DST: variants seen among roughly 807,000 people sequenced by gnomAD.
The protein encoded by DST is bullous pemphigoid antigen.
A neutral mutation model predicts 875.2 loss-of-function variants in DST; 253 were observed. The observed-to-expected ratio is 0.29, with a 90% confidence interval of 0.26 to 0.32. The LOEUF (loss-of-function observed/expected upper bound fraction) is 0.32. Among genes scored for constraint, DST ranks in the 10% least tolerant of loss-of-function variants. DST has a pLI of 1.00. For missense variants in DST, 8,287 were observed against 9,111.6 expected (o/e 0.91, Z 3.68); for synonymous variants, 3,124 against 3,197.1 (o/e 0.98, Z 0.77).
At chr6:56,656,599 G>A (rs1193312881) in intron 10 of DST, among the ~76,000 whole-genome samples, 1 of 152,140 alleles carries the variant, frequency 6.6e-6, no homozygotes, top group African/African-American at 2.4e-5. Flanking sequence ...CAAAGCATAA[G>A]GAAGTTATAT....
chr6:56,636,415 CACATATATGTGTATAT>C (rs778554733), intron 23 of DST, 126 bp downstream of exon 23: 44 of 672,518 alleles, frequency 6.5e-5, no homozygotes, highest in Admixed American at 1.3e-4. Context: ...TATATATACA[CACATATATGTGTATAT>C]ATATATGTGT....
At chr6:56,648,372 T>C (rs2098956228) in intron 13 of DST, among the ~76,000 whole-genome samples, 198 bp downstream of exon 13, 1 of 152,230 alleles carries the variant, frequency 6.6e-6, no homozygotes, top group African/African-American at 2.4e-5. Flanking sequence ...TGACTACAGC[T>C]AATCTGTTTT....
At chr6:56,664,655 C>T (rs570977056) in intron 10 of DST, among the ~76,000 whole-genome samples, 1 of 152,212 alleles carries the variant, frequency 6.6e-6, no homozygotes, top group South Asian at 2.1e-4. Context: ...GATCTAAGTT[C>T]ATCAAATCCA....
chr6:56,489,630 T>C (rs1459743181), intron 85 of DST, 21 bp from the exon 86 acceptor site: 2 of 1,597,732 alleles, frequency 1.3e-6, no homozygotes, highest in Admixed American at 3.4e-5. Context: ...ATTCACACCT[T>C]TGTCTGAAAA....
chr6:56,800,010 A>C (rs1229351929), intron 4 of DST, among the ~76,000 whole-genome samples: 3 of 152,356 alleles, frequency 2.0e-5, no homozygotes, highest in African/African-American at 4.8e-5. Context: ...ATATAATACA[A>C]GCATAACTTT....
intron 4 of DST, among the ~76,000 whole-genome samples, chr6:56,775,198 C>T (rs1338206346): frequency 6.6e-6 from 1 of 152,010 alleles, no homozygotes; most frequent in African/African-American, 2.4e-5. Flanking sequence ...AGAGGAAGAA[C>T]AGTTTACTAA....
At chr6:56,936,756 A>G (rs1275379775) in intron 2 of DST, among the ~76,000 whole-genome samples, 4 of 152,182 alleles carry the variant, frequency 2.6e-5, no homozygotes, top group Admixed American at 2.6e-4. Flanking sequence ...TCAACCATAC[A>G]GAATTAAAAA....
intron 3 of DST, among the ~76,000 whole-genome samples, chr6:56,887,693 A>G (rs1410172510): frequency 3.9e-5 from 6 of 152,198 alleles, no homozygotes; most frequent in Non-Finnish European, 7.3e-5. Flanking sequence ...AAAGACATAG[A>G]AAGAATGGCA....
intron 9 of DST, among the ~76,000 whole-genome samples, chr6:56,695,980 A>C (rs1019607308): frequency 6.6e-6 from 1 of 152,222 alleles, no homozygotes. Context: ...CATACTAAAA[A>C]AAGTTATTTC....
At chr6:56,673,983 T>C (rs1462529085) in intron 9 of DST, among the ~76,000 whole-genome samples, 1 of 152,226 alleles carries the variant, frequency 6.6e-6, no homozygotes, top group Non-Finnish European at 1.5e-5. Context: ...CATGATACTA[T>C]GCAACCAAAA....
At position 56,529,988 on chromosome 6, in the gene DST, T is replaced by A. The variant is rs2096867326; in HGVS notation, c.17254A>T (p.Ile5752Phe). 1 of 1,613,392 alleles carries A rather than the reference T, an allele frequency of 6.2e-7. No homozygotes were observed. The highest frequency in any genetic ancestry group is 1.3e-5 in the African/African-American group (1 of 74,890). Residue 5752 changes from isoleucine (I) to phenylalanine (F), a missense_variant, in exon 65 of 104, where the codon ATT becomes TTT. Coordinates refer to ENST00000680361, the MANE Select transcript of DST (RefSeq NM_001374736.1). ...TTATATCTTACTTTGTGCTGTGCAATTTGTTCCTCAAGTTTAGATGCTTGG... is the reference window on the plus strand; with the variant it reads ...TTATATCTTACTTTGTGCTGTGCAAATTGTTCCTCAAGTTTAGATGCTTGG... ...GTQASKLEEQ[I>F]AQHKALEDDI...
chr6:56,717,226 C>T (rs2099398670), intron 5 of DST, among the ~76,000 whole-genome samples: 1 of 129,174 alleles, frequency 7.7e-6, no homozygotes, highest in African/African-American at 2.7e-5. Context: ...AATAAATAAG[C>T]ATGCAACCTA....
At chr6:56,953,391 A>G (rs1288096124) in intron 2 of DST, among the ~76,000 whole-genome samples, 1 of 152,252 alleles carries the variant, frequency 6.6e-6, no homozygotes, top group African/African-American at 2.4e-5. Context: ...AATGAAATGC[A>G]TATGGATCAA....
intron 49 of DST, among the ~76,000 whole-genome samples, chr6:56,583,941 C>T (rs1334649266): frequency 6.6e-5 from 10 of 152,120 alleles, no homozygotes; most frequent in Non-Finnish European, 1.5e-4. Flanking sequence ...TGTTCTGTTC[C>T]ATTGATCTAT....
chr6:56,758,726 T>C (rs1354031272), intron 4 of DST, among the ~76,000 whole-genome samples: 1 of 152,216 alleles, frequency 6.6e-6, no homozygotes, highest in African/African-American at 2.4e-5. Context: ...AGGTGTCATC[T>C]ACATGTGGCC....
intron 49 of DST, among the ~76,000 whole-genome samples, chr6:56,583,151 G>C (rs2098058881): frequency 1.3e-5 from 2 of 152,152 alleles, no homozygotes; most frequent in Non-Finnish European, 2.9e-5. Context: ...TCTAGTTCTA[G>C]ATCCCTGAGG....
In DST at chr6:56,934,570, A is replaced by AT. The variant is rs921647429; in HGVS notation, c.216+19214dup. 8.0e-5 allele frequency among the ~76,000 whole-genome samples: 11 copies of AT among 137,636 alleles called. 1 individual carries two copies. The highest frequency in any genetic ancestry group is 1.4e-4 in the Non-Finnish European group (9 of 63,400). 90.3% of individuals were successfully genotyped at this position (137,636 alleles called of 152,430 possible). A position where few individuals can be genotyped will look rare whatever the true frequency, so the allele number is the denominator to read the frequency against. ...ATATTATATATTATATTATATATATATATATATATATATATATATCGTGAG... is the reference window on the plus strand; with the variant it reads ...ATATTATATATTATATTATATATATATTATATATATATATATATATCGTGAG... On this transcript the variant is annotated intron_variant, in intron 2 of 103. Coordinates refer to ENST00000680361, the MANE Select transcript of DST (RefSeq NM_001374736.1).
intron 13 of DST, among the ~76,000 whole-genome samples, chr6:56,646,496 C>A (rs1400770556): frequency 6.6e-6 from 1 of 152,134 alleles, no homozygotes; most frequent in Admixed American, 6.5e-5. Context: ...AAAACATACC[C>A]TTTAAAAGAT....
At chr6:56,617,448 G>T in intron 36 of DST, 2 of 1,532,886 alleles carry the variant, frequency 1.3e-6, no homozygotes, top group Non-Finnish European at 9.0e-7. Context: ...AATGTTAAAA[G>T]TCACCTCAAG....
Sources: allele counts gnomAD v4.1 joint callset (sites outside exome capture counted in the v4.1 genomes callset), GRCh38; gene constraint gnomAD v4.1.1; transcripts MANE v1.5; gene names NCBI Gene and HGNC (gene_info 2026-07-23, HGNC 2026-07-21).